Variants in GABRB2 observed in about 807,000 individuals in gnomAD.
GABRB2 encodes gamma-aminobutyric acid receptor subunit beta-2.
A neutral mutation model predicts 54.7 loss-of-function variants in GABRB2; 16 were observed. The ratio of observed to expected loss-of-function variants is 0.29; its 90% CI spans 0.20 to 0.44. The LOEUF (loss-of-function observed/expected upper bound fraction) is 0.44. GABRB2 is among the 20% of genes least tolerant of loss of function. The pLI is 1.00. For synonymous variants in GABRB2, 244 were observed against 233.8 expected (o/e 1.04, Z -0.40); for missense variants, 355 against 644.0 (o/e 0.55, Z 4.86).
rs559011654 is a variant in GABRB2 at position 161,367,739 on chromosome 5, CA to C, written c.542-30971del. 2.3e-3 allele frequency among the ~76,000 whole-genome samples: 352 copies of C among 152,174 alleles called. 2 individuals are homozygous for C. Among genetic ancestry groups the C allele is most frequent in the African/African-American group, 7.9e-3 (329 of 41,526 alleles). On this transcript the variant is annotated intron_variant, in intron 5 of 9. Coordinates refer to ENST00000393959, the MANE Select transcript of GABRB2 (RefSeq NM_001371727.1). ...GGCAAAAAAATGTCACTTTGAGTGTCAAAAAATGTTACCACATGTTCCAAAG... is the reference window on the plus strand; with the variant it reads ...GGCAAAAAAATGTCACTTTGAGTGTCAAAAATGTTACCACATGTTCCAAAG...
chr5:161,447,154 G>A (rs1757657865), intron 4 of GABRB2, among the ~76,000 whole-genome samples: 1 of 152,106 alleles, frequency 6.6e-6, no homozygotes, highest in African/African-American at 2.4e-5. Context: ...CTACAAGATA[G>A]GAACTATTAA....
intron 5 of GABRB2, among the ~76,000 whole-genome samples, chr5:161,379,620 G>A (rs1755407858): frequency 6.6e-6 from 1 of 151,998 alleles, no homozygotes; most frequent in Non-Finnish European, 1.5e-5. Context: ...CTGGATGATG[G>A]AGTCCACACT....
At chr5:161,303,587 G>A (rs1757599669) in intron 9 of GABRB2, among the ~76,000 whole-genome samples, 1 of 152,250 alleles carries the variant, frequency 6.6e-6, no homozygotes, top group Non-Finnish European at 1.5e-5. Flanking sequence ...GATATGTGGA[G>A]TACAAAGAGA....
At chr5:161,387,901 C>T (rs190067708) in intron 5 of GABRB2, among the ~76,000 whole-genome samples, 5 of 152,112 alleles carry the variant, frequency 3.3e-5, no homozygotes, top group Admixed American at 3.3e-4. Flanking sequence ...TATACAAACC[C>T]TAACAGTTTT....
At chr5:161,432,931 C>G (rs1352338890) in intron 4 of GABRB2, among the ~76,000 whole-genome samples, 1 of 150,266 alleles carries the variant, frequency 6.7e-6, no homozygotes, top group Admixed American at 6.7e-5. Context: ...TGAGATTCAC[C>G]TCGTACTTTA....
intron 3 of GABRB2, among the ~76,000 whole-genome samples, chr5:161,529,225 C>A (rs1056539568): frequency 1.4e-4 from 21 of 152,012 alleles, no homozygotes; most frequent in Middle Eastern, 3.4e-3. Context: ...GACTTAATTT[C>A]AAAATGACTT....
intron 5 of GABRB2, among the ~76,000 whole-genome samples, chr5:161,392,311 C>T (rs1755850423): frequency 6.6e-6 from 1 of 152,164 alleles, no homozygotes; most frequent in South Asian, 2.1e-4. Context: ...TTATCCTTGC[C>T]TCTTCTTCAT....
intron 3 of GABRB2, among the ~76,000 whole-genome samples, chr5:161,525,876 A>G (rs767772476): frequency 2.6e-5 from 4 of 151,350 alleles, no homozygotes; most frequent in Non-Finnish European, 5.9e-5. Flanking sequence ...AAAATTTCAT[A>G]CCCAAATTTA....
chr5:161,387,042 G>A (rs1755662391), intron 5 of GABRB2, among the ~76,000 whole-genome samples: 1 of 151,644 alleles, frequency 6.6e-6, no homozygotes, highest in Admixed American at 6.6e-5. Context: ...CGGGGGGGAG[G>A]AATGATAAAG....
chr5:161,451,296 G>A (rs1757781547), intron 4 of GABRB2, among the ~76,000 whole-genome samples: 1 of 152,142 alleles, frequency 6.6e-6, no homozygotes, highest in African/African-American at 2.4e-5. Context: ...ACAAGTTTCT[G>A]ATCTAATGTT....
chr5:161,384,032 C>T (rs1046720050), intron 5 of GABRB2, among the ~76,000 whole-genome samples: 4 of 152,140 alleles, frequency 2.6e-5, no homozygotes, highest in African/African-American at 9.7e-5. Flanking sequence ...GGATTACAGG[C>T]ATGAGCCACT....
intron 3 of GABRB2, among the ~76,000 whole-genome samples, chr5:161,508,656 G>A (rs1041540777): frequency 2.0e-5 from 3 of 151,818 alleles, no homozygotes; most frequent in East Asian, 3.9e-4. Context: ...TTTTCTAAAC[G>A]GAAAAAAGAC....
intron 9 of GABRB2, among the ~76,000 whole-genome samples, chr5:161,298,874 A>G (rs952528316): frequency 2.0e-5 from 3 of 152,166 alleles, no homozygotes; most frequent in Non-Finnish European, 4.4e-5. Flanking sequence ...TCATGTGTGG[A>G]AAATAAGACA....
chr5:161,366,115 C>T (rs1476727431), intron 5 of GABRB2, among the ~76,000 whole-genome samples: 1 of 150,980 alleles, frequency 6.6e-6, no homozygotes, highest in Non-Finnish European at 1.5e-5. Flanking sequence ...GCATTTTGTT[C>T]TGGCCAATTC....
chr5:161,483,858 T>C (rs1376307638), intron 3 of GABRB2, among the ~76,000 whole-genome samples: 1 of 151,910 alleles, frequency 6.6e-6, no homozygotes, highest in Non-Finnish European at 1.5e-5. Context: ...CCCTGACAGA[T>C]GGTAACCCAA....
In GABRB2 at chr5:161,294,088, A is replaced by T. The variant is rs1757311490; in HGVS notation, c.1532T>A (p.Val511Glu). The T allele has an allele frequency of 6.2e-7, 1 of 1,609,444 alleles. No individual in the cohort carries two copies. The highest frequency in any genetic ancestry group is 1.1e-5 in the South Asian group (1 of 91,004). Residue 511 changes from valine to glutamate, a missense_variant, in exon 10 of 10, where the codon GTG becomes GAG. Physicochemically the swap from Val to Glu is moderately radical, Grantham distance 121. Coordinates refer to ENST00000393959, the MANE Select transcript of GABRB2 (RefSeq NM_001371727.1). ...FFNIVYWLYY[V>E]N ...CCAGTGGGAGGCCATGTTTTAGTTC[A>T]CATAATAAAGCCAATAGACGATGTT...
chr5:161,416,506 G>T lies in GABRB2; in HGVS notation c.459-5449C>A, dbSNP rs1331044129. On this transcript the variant is annotated intron_variant, in intron 4 of 9. Coordinates refer to ENST00000393959, the MANE Select transcript of GABRB2 (RefSeq NM_001371727.1). ...GTGACTTTGAACTTCTACCTTGTTT[G>T]ATTTCTTTATATAAGCAACCATCCA... Among the ~76,000 whole-genome samples, 5 of 151,342 alleles carry T rather than the reference G, an allele frequency of 3.3e-5. No individual in the cohort carries two copies. The East Asian group carries it at 9.7e-4, about 29-fold the overall frequency.
At chr5:161,489,992 G>A (rs1759052006) in intron 3 of GABRB2, among the ~76,000 whole-genome samples, 1 of 151,582 alleles carries the variant, frequency 6.6e-6, no homozygotes, top group African/African-American at 2.4e-5. Flanking sequence ...CTGTAGTTAA[G>A]TCAGAAAATC....
intron 5 of GABRB2, among the ~76,000 whole-genome samples, chr5:161,370,608 AATTAGGACTTTTGG>A (rs1755102483): frequency 6.6e-6 from 1 of 152,130 alleles, no homozygotes; most frequent in African/African-American, 2.4e-5. Flanking sequence ...CCCAGCATTC[AATTAGGACTTTTGG>A]CAAGACTGGG....
Sources: gnomAD v4.1 joint callset for allele counts (sites outside exome capture counted in the v4.1 genomes callset) on GRCh38, gnomAD v4.1.1 for gene constraint, MANE v1.5 for transcripts, NCBI Gene and HGNC (gene_info 2026-07-23, HGNC 2026-07-21) for gene names.